PTPRD: variants seen among roughly 807,000 people sequenced by gnomAD.
PTPRD encodes protein tyrosine phosphatase receptor type D, also known as receptor-type tyrosine-protein phosphatase delta.
PTPRD carries 34 observed loss-of-function variants against 214.5 expected under a neutral mutation model. The ratio of observed to expected loss-of-function variants is 0.16; its 90% confidence interval spans 0.12 to 0.21. PTPRD has a LOEUF of 0.21. Among genes scored for constraint, PTPRD ranks in the 10% least tolerant of loss-of-function variants. The pLI is 1.00. For synonymous variants in PTPRD, 1,128 were observed against 845.7 expected (o/e 1.33, Z -5.79); for missense variants, 2,545 against 2,398.7 (o/e 1.06, Z -1.27).
chr9:8,334,398 C>T (rs538926084), intron 43 of PTPRD, among the ~76,000 whole-genome samples: 3 of 150,516 alleles, frequency 2.0e-5, no homozygotes, highest in South Asian at 4.2e-4. Flanking sequence ...CTCAAAACCA[C>T]ACAACTACAT....
intron 3 of PTPRD, among the ~76,000 whole-genome samples, chr9:10,334,429 C>T (rs1333187719): frequency 1.3e-5 from 2 of 151,328 alleles, no homozygotes; most frequent in African/African-American, 4.8e-5. Flanking sequence ...TATCCCACCC[C>T]CCACCACCAA....
At chr9:9,681,747 T>C (rs2097077141) in intron 7 of PTPRD, among the ~76,000 whole-genome samples, 2 of 151,808 alleles carry the variant, frequency 1.3e-5, no homozygotes, top group Admixed American at 6.6e-5. Context: ...ATGTTGAGAC[T>C]AGCAGTTACT....
At chr9:9,305,013 T>C (rs1956686980) in intron 9 of PTPRD, among the ~76,000 whole-genome samples, 1 of 148,920 alleles carries the variant, frequency 6.7e-6, no homozygotes. Context: ...ACTAGTTCCC[T>C]TAGTTTTCGG....
rs1185031127 is a variant in PTPRD, at chr9:8,317,350, AG to A, written c.*523del. 5 of 232,566 alleles carry A rather than the reference AG, an allele frequency of 2.1e-5. No homozygotes were observed. Among genetic ancestry groups the A allele is most frequent in the Non-Finnish European group, 4.3e-5 (5 of 117,396 alleles). 14.4% of individuals were successfully genotyped at this position (232,566 alleles called of 1,614,324 possible). ...AGTTAGAAATGAAGCACAGGTCAGC[AG>A]TATCTTTACAATACTAAAAAACTAA... On this transcript the variant is annotated 3_prime_UTR_variant, in exon 46 of 46. Transcript: ENST00000381196.
At chr9:9,254,092 C>G (rs1047507111) in intron 9 of PTPRD, among the ~76,000 whole-genome samples, 13 of 152,134 alleles carry the variant, frequency 8.5e-5, no homozygotes, top group African/African-American at 3.1e-4. Context: ...GGATGATATC[C>G]TTCTCTCAAC....
intron 11 of PTPRD, among the ~76,000 whole-genome samples, chr9:8,959,221 C>A (rs536186184): frequency 6.6e-6 from 1 of 151,948 alleles, no homozygotes; most frequent in Admixed American, 6.6e-5. Context: ...GAAGATGAAC[C>A]CTGGAAAAGT....
rs879744385 is a variant in PTPRD at position 9,381,368 on chromosome 9, TTTA to T, written c.-203+16078_-203+16080del. On this transcript the variant is annotated intron_variant, in intron 9 of 45. Coordinates refer to ENST00000381196, the MANE Select transcript of PTPRD (RefSeq NM_002839.4). ...TAGTACATCAGTTATGCTTTTTTTT[TTTA>T]TTTTTTTTTTGACAGGGTCTTACTT... Among the ~76,000 whole-genome samples the T allele has an allele frequency of 3.4e-3, 476 of 140,790 alleles. 12 individuals are homozygous for T. Among genetic ancestry groups the T allele is most frequent in the African/African-American group, 0.012 (449 of 36,840 alleles). 92.4% of individuals were successfully genotyped at this position (140,790 alleles called of 152,430 possible). A position where few individuals can be genotyped will look rare whatever the true frequency, so the allele number is the denominator to read the frequency against.
chr9:9,312,623 G>A (rs1959538113), intron 9 of PTPRD, among the ~76,000 whole-genome samples: 1 of 152,062 alleles, frequency 6.6e-6, no homozygotes, highest in Non-Finnish European at 1.5e-5. Flanking sequence ...GTGGGTGTGA[G>A]TACACCCTGT....
At chr9:9,326,429 C>T (rs1211914768) in intron 9 of PTPRD, among the ~76,000 whole-genome samples, 3 of 151,996 alleles carry the variant, frequency 2.0e-5, no homozygotes, top group East Asian at 3.9e-4. Context: ...ATAACTCTAC[C>T]TTTATGCTCG....
chr9:10,019,919 A>G (rs574526981), intron 4 of PTPRD, among the ~76,000 whole-genome samples: 2 of 119,950 alleles, frequency 1.7e-5, no homozygotes, highest in Non-Finnish European at 4.1e-5. Flanking sequence ...CCTAGAACTT[A>G]AAGTATAATA....
At chr9:10,568,622 T>C (rs2066432410) in intron 2 of PTPRD, among the ~76,000 whole-genome samples, 1 of 151,982 alleles carries the variant, frequency 6.6e-6, no homozygotes, top group Non-Finnish European at 1.5e-5. Flanking sequence ...ATGCCACATA[T>C]CTACAACTAT....
chr9:10,384,690 T>G (rs1287941586), intron 2 of PTPRD, among the ~76,000 whole-genome samples: 1 of 151,126 alleles, frequency 6.6e-6, no homozygotes, highest in East Asian at 2.0e-4. Context: ...TTGTCAAAGT[T>G]AGATTTAAAA....
chr9:8,340,571 C>G (rs1851523843), intron 41 of PTPRD, 102 bp from the exon 42 acceptor site: 1 of 1,173,730 alleles, frequency 8.5e-7, no homozygotes, highest in African/African-American at 1.5e-5. Context: ...AAAACGAAAA[C>G]ATATTATTAA....
chr9:10,580,460 G>A (rs12335709), intron 2 of PTPRD, among the ~76,000 whole-genome samples: 124,196 of 152,140 alleles, frequency 0.82, 50,956 homozygotes, highest in East Asian at 0.93. Context: ...ACACTTTTTG[G>A]TTCTTGTATA....
At chr9:8,732,534 G>C (rs1426756779) in intron 12 of PTPRD, among the ~76,000 whole-genome samples, 1 of 152,092 alleles carries the variant, frequency 6.6e-6, no homozygotes, top group Non-Finnish European at 1.5e-5. Context: ...TCTAACATTT[G>C]GGTCTTTTCC....
At chr9:9,578,297 T>G (rs1343149243) in intron 7 of PTPRD, among the ~76,000 whole-genome samples, 2 of 152,084 alleles carry the variant, frequency 1.3e-5, no homozygotes, top group African/African-American at 4.8e-5. Flanking sequence ...CAAGTTTAAT[T>G]TTTTAGTATT....
intron 12 of PTPRD, among the ~76,000 whole-genome samples, chr9:8,712,151 C>A (rs541851079): frequency 6.6e-6 from 1 of 152,102 alleles, no homozygotes; most frequent in Admixed American, 6.5e-5. Flanking sequence ...CAGAGTGTGA[C>A]AAATGAAATA....
chr9:9,966,694 G>C (rs1229122987), intron 4 of PTPRD, among the ~76,000 whole-genome samples: 3 of 152,118 alleles, frequency 2.0e-5, no homozygotes, highest in African/African-American at 4.8e-5. Flanking sequence ...TCCATCATAT[G>C]AATGATGGCA....
chr9:8,561,751 A>AT (rs35530419), intron 14 of PTPRD, among the ~76,000 whole-genome samples: 31,853 of 144,918 alleles, frequency 0.22, 3,919 homozygotes, highest in African/African-American at 0.35. Flanking sequence ...GGATCCTTGG[A>AT]TTTTTTTTTT....
Sources: gnomAD v4.1 joint callset for allele counts (sites outside exome capture counted in the v4.1 genomes callset) on GRCh38, gnomAD v4.1.1 for gene constraint, MANE v1.5 for transcripts, NCBI Gene and HGNC (gene_info 2026-07-23, HGNC 2026-07-21) for gene names.